Variants in NEGR1 observed in about 807,000 individuals in gnomAD.
NEGR1 encodes neuronal growth regulator 1.
NEGR1 carries 10 observed loss-of-function variants against 40.9 expected under a neutral mutation model. The observed-to-expected ratio is 0.24, with a 90% CI of 0.15 to 0.42. NEGR1 has a LOEUF of 0.42. NEGR1 is among the 10% of genes least tolerant of loss of function. The probability of loss-of-function intolerance (pLI) is 1.00; values close to 1 mark genes in which losing one functional copy is unlikely to be tolerated. For missense variants in NEGR1, 352 were observed against 438.9 expected (o/e 0.80, Z 1.77); for synonymous variants, 185 against 166.8 (o/e 1.11, Z -0.84).
At chr1:71,818,253 T>C (rs777149566) in intron 2 of NEGR1, among the ~76,000 whole-genome samples, 8 of 151,996 alleles carry the variant, frequency 5.3e-5, no homozygotes, top group Admixed American at 6.6e-5. Context: ...ACCACAGAAC[T>C]ATTCACAATT....
chr1:72,134,362 C>T (rs890204262), intron 1 of NEGR1, among the ~76,000 whole-genome samples: 9 of 151,734 alleles, frequency 5.9e-5, no homozygotes, highest in South Asian at 2.1e-4. Context: ...CCCGCCACCA[C>T]GCCCGCTAAT....
chr1:72,153,464 ATAT>A (rs901133167), intron 1 of NEGR1, among the ~76,000 whole-genome samples: 1 of 151,960 alleles, frequency 6.6e-6, no homozygotes, highest in Non-Finnish European at 1.5e-5. Context: ...ATTTGGAGAA[ATAT>A]TATTATTATC....
At chr1:72,199,385 G>A (rs1022658214) in intron 1 of NEGR1, among the ~76,000 whole-genome samples, 1 of 151,900 alleles carries the variant, frequency 6.6e-6, no homozygotes, top group Non-Finnish European at 1.5e-5. Context: ...TTAAAAATAT[G>A]GGCATTGAGG....
At chr1:71,663,234 G>T (rs552535747) in intron 4 of NEGR1, among the ~76,000 whole-genome samples, 97 of 152,284 alleles carry the variant, frequency 6.4e-4, no homozygotes, top group African/African-American at 2.2e-3. Context: ...TGGGATTACA[G>T]GCGTGAGCCA....
intron 1 of NEGR1, among the ~76,000 whole-genome samples, chr1:72,078,644 TA>T (rs925689620): frequency 3.0e-4 from 44 of 147,922 alleles, no homozygotes; most frequent in Middle Eastern, 3.6e-3. Context: ...TATATTTATT[TA>T]TTTTTTTTTT....
At chr1:72,126,403 G>A (rs560160137) in intron 1 of NEGR1, among the ~76,000 whole-genome samples, 97 of 152,118 alleles carry the variant, frequency 6.4e-4, no homozygotes, top group South Asian at 3.5e-3. Flanking sequence ...ATTTATTTCT[G>A]ATTAAGTATT....
chr1:72,000,521 C>T (rs1003655633), intron 1 of NEGR1, among the ~76,000 whole-genome samples: 4 of 152,080 alleles, frequency 2.6e-5, no homozygotes, highest in Admixed American at 6.6e-5. Flanking sequence ...GAATTATTTA[C>T]ATTTTTAATA....
At chr1:71,908,403 G>A (rs989840309) in intron 2 of NEGR1, among the ~76,000 whole-genome samples, 1 of 151,934 alleles carries the variant, frequency 6.6e-6, no homozygotes, top group African/African-American at 2.4e-5. Context: ...TCTAACAAAT[G>A]TTCTGTCATT....
chr1:71,672,457 T>G (rs1038210293), intron 4 of NEGR1, among the ~76,000 whole-genome samples: 2 of 152,192 alleles, frequency 1.3e-5, no homozygotes, highest in Non-Finnish European at 2.9e-5. Context: ...TCAATCTTGT[T>G]CACCATTGTA....
intron 3 of NEGR1, among the ~76,000 whole-genome samples, chr1:71,755,298 C>T (rs1270476060): frequency 6.6e-6 from 1 of 152,184 alleles, no homozygotes; most frequent in East Asian, 1.9e-4. Flanking sequence ...ACCCTCAAGT[C>T]AACCTCTCAG....
intron 6 of NEGR1, among the ~76,000 whole-genome samples, chr1:71,566,347 G>A (rs373752607): frequency 1.1e-4 from 16 of 152,008 alleles, no homozygotes; most frequent in Admixed American, 8.5e-4. Context: ...AGTATTTTCC[G>A]TATTTCGTAT....
chr1:72,011,379 T>A (rs1228235485), intron 1 of NEGR1, among the ~76,000 whole-genome samples: 1 of 152,130 alleles, frequency 6.6e-6, no homozygotes, highest in African/African-American at 2.4e-5. Flanking sequence ...GGACAATCTC[T>A]CAATGTTATA....
intron 4 of NEGR1, among the ~76,000 whole-genome samples, chr1:71,682,147 A>G (rs1652860743): frequency 6.6e-6 from 1 of 152,036 alleles, no homozygotes; most frequent in African/African-American, 2.4e-5. Context: ...TAATTTTGTA[A>G]TATCCATCTT....
chr1:72,110,079 G>C (rs1028773390), intron 1 of NEGR1, among the ~76,000 whole-genome samples: 4 of 151,474 alleles, frequency 2.6e-5, no homozygotes, highest in Non-Finnish European at 5.9e-5. Flanking sequence ...GAGGGATCAT[G>C]CAACTGTAAA....
intron 2 of NEGR1, among the ~76,000 whole-genome samples, chr1:71,789,427 A>G (rs1657032757): frequency 6.6e-6 from 1 of 152,134 alleles, no homozygotes; most frequent in South Asian, 2.1e-4. Context: ...AGTCTTTAAC[A>G]CATTCATTTA....
intron 6 of NEGR1, among the ~76,000 whole-genome samples, chr1:71,584,805 C>G (rs1018923829): frequency 6.6e-6 from 1 of 152,122 alleles, no homozygotes; most frequent in African/African-American, 2.4e-5. Flanking sequence ...AATCTGTTTT[C>G]TTTTGACTGG....
At chr1:71,564,580 T>G (rs972887542) in intron 6 of NEGR1, among the ~76,000 whole-genome samples, 3 of 152,144 alleles carry the variant, frequency 2.0e-5, no homozygotes, top group Admixed American at 6.6e-5. Context: ...AGTGTTGATA[T>G]GTACAAAGAT....
At chr1:72,179,842 T>A (rs1037524092) in intron 1 of NEGR1, among the ~76,000 whole-genome samples, 1 of 151,974 alleles carries the variant, frequency 6.6e-6, no homozygotes, top group African/African-American at 2.4e-5. Flanking sequence ...GTGAAATACC[T>A]GCACACTGAA....
intron 1 of NEGR1, among the ~76,000 whole-genome samples, chr1:72,165,128 A>G (rs1169727251): frequency 1.3e-5 from 2 of 152,078 alleles, no homozygotes; most frequent in African/African-American, 4.8e-5. Context: ...ATATCTGTGT[A>G]GAAAATTACA....
Sources: allele counts gnomAD v4.1 joint callset (sites outside exome capture counted in the v4.1 genomes callset), GRCh38; gene constraint gnomAD v4.1.1; transcripts MANE v1.5; gene names NCBI Gene and HGNC (gene_info 2026-07-23, HGNC 2026-07-21).